SEMA6D: variants seen among roughly 807,000 people sequenced by gnomAD.
The protein encoded by SEMA6D is semaphorin 6D.
A neutral mutation model predicts 106.6 loss-of-function variants in SEMA6D; 35 were observed. The ratio of observed to expected loss-of-function variants is 0.33; its 90% CI spans 0.25 to 0.44. The LOEUF (loss-of-function observed/expected upper bound fraction) is 0.44. Ranked by LOEUF, SEMA6D falls within the 20% of genes least tolerant of loss-of-function variation. SEMA6D has a pLI of 1.00. For missense variants in SEMA6D, 1,185 were observed against 1,345.9 expected, an observed-to-expected ratio of 0.88 and a Z score of 1.87; for synonymous variants, 499 against 487.7, an observed-to-expected ratio of 1.02 and a Z score of -0.31.
intron 1 of SEMA6D, among the ~76,000 whole-genome samples, chr15:47,284,084 A>T (rs998386660): frequency 2.6e-5 from 4 of 152,190 alleles, no homozygotes; most frequent in African/African-American, 9.7e-5. Flanking sequence ...TGCCACCAAA[A>T]GTGTCTCCCT....
intron 1 of SEMA6D, among the ~76,000 whole-genome samples, chr15:47,291,986 A>G (rs895617017): frequency 3.9e-5 from 6 of 152,222 alleles, no homozygotes; most frequent in Non-Finnish European, 7.3e-5. Context: ...AATCTCATGT[A>G]TATGCACATA....
intron 4 of SEMA6D, among the ~76,000 whole-genome samples, chr15:47,657,273 G>A (rs563401593): frequency 5.9e-5 from 9 of 152,256 alleles, no homozygotes; most frequent in Admixed American, 2.0e-4. Context: ...AGAGAAAGCT[G>A]TTAAATATTT....
At chr15:47,298,371 T>A (rs1734796279) in intron 1 of SEMA6D, among the ~76,000 whole-genome samples, 1 of 151,888 alleles carries the variant, frequency 6.6e-6, no homozygotes, top group South Asian at 2.1e-4. Context: ...TACACACCTA[T>A]ATTCTAAACA....
At chr15:47,443,310 C>T (rs996246535) in intron 2 of SEMA6D, among the ~76,000 whole-genome samples, 5 of 152,212 alleles carry the variant, frequency 3.3e-5, no homozygotes, top group Admixed American at 3.3e-4. Context: ...ACTTTTGAGG[C>T]TAGGTTGTAA....
chr15:47,462,945 A>G (rs1253160420), intron 2 of SEMA6D, among the ~76,000 whole-genome samples: 1 of 152,118 alleles, frequency 6.6e-6, no homozygotes, highest in African/African-American at 2.4e-5. Flanking sequence ...GATGTCATTG[A>G]AAGAGGCACA....
chr15:47,588,959 G>T (rs539026780), intron 3 of SEMA6D, among the ~76,000 whole-genome samples: 11 of 152,168 alleles, frequency 7.2e-5, no homozygotes, highest in Non-Finnish European at 1.5e-4. Context: ...GCATCTAATG[G>T]GTAGAAGCTA....
intron 2 of SEMA6D, among the ~76,000 whole-genome samples, chr15:47,440,669 G>T (rs148100139): frequency 1.2e-3 from 189 of 152,098 alleles, no homozygotes; most frequent in African/African-American, 4.4e-3. Context: ...AAAAAGACGG[G>T]TGTTGAATGA....
chr15:47,497,043 T>A (rs1378731553), intron 3 of SEMA6D, among the ~76,000 whole-genome samples: 1 of 152,088 alleles, frequency 6.6e-6, no homozygotes, highest in Admixed American at 6.6e-5. Flanking sequence ...GAGACCTTTC[T>A]TCACTCTCTC....
At chr15:47,290,760 A>G (rs533737903) in intron 1 of SEMA6D, among the ~76,000 whole-genome samples, 9 of 152,202 alleles carry the variant, frequency 5.9e-5, no homozygotes, top group Non-Finnish European at 1.3e-4. Flanking sequence ...TCGTGAATGA[A>G]CACTTTGTTA....
At chr15:47,428,777 A>G (rs2041428943) in intron 2 of SEMA6D, among the ~76,000 whole-genome samples, 2 of 152,080 alleles carry the variant, frequency 1.3e-5, no homozygotes, top group African/African-American at 4.8e-5. Flanking sequence ...GAAAAAAAAA[A>G]GTGGGTAAGA....
chr15:47,534,699 T>C (rs2045097437), intron 3 of SEMA6D, among the ~76,000 whole-genome samples: 1 of 152,154 alleles, frequency 6.6e-6, no homozygotes, highest in African/African-American at 2.4e-5. Context: ...GATTTGAGAT[T>C]CTTGAAGAAG....
At chr15:47,216,068 A>G (rs2030565258) in intron 1 of SEMA6D, among the ~76,000 whole-genome samples, 1 of 152,188 alleles carries the variant, frequency 6.6e-6, no homozygotes, top group African/African-American at 2.4e-5. Flanking sequence ...CTGATATGTA[A>G]CTTACAACTT....
At position 47,749,384 on chromosome 15, in the gene SEMA6D, T is replaced by C. The variant is rs554899014; in HGVS notation, c.-54-10361T>C. 4.6e-5 allele frequency among the ~76,000 whole-genome samples: 7 copies of C among 152,268 alleles called. No individual in the cohort carries two copies. The East Asian group carries it at 1.4e-3, about 29-fold the overall frequency. ...ACGTGAGCCACTGCGCCCGGCCTAA[T>C]TACTGGACTCTTGTCAGGCGCAAGG... On this transcript the variant is annotated intron_variant, in intron 1 of 18. Transcript: ENST00000536845.
Position 47,766,164 on chromosome 15 carries a change from G to C in SEMA6D, c.1628G>C (p.Arg543Thr). Residue 543 changes from arginine to threonine, a missense_variant, in exon 15 of 19, where the codon AGA becomes ACA. This residue lies in a region of SEMA6D where 750 missense variants were observed against 783.5 expected (regional missense o/e 0.96). Coordinates refer to ENST00000536845, the MANE Select transcript of SEMA6D (RefSeq NM_001358351.3). ...CGWLSQGSCG[R>T]VTPGMLAEGY... ...TGGTTAAGCCAGGGATCCTGTGGTA[G>C]AGTGACCCCAGGGATGCTGTAAGTA... 1 of 1,613,316 alleles carries C rather than the reference G, an allele frequency of 6.2e-7. No individual in the cohort carries two copies. Among genetic ancestry groups the C allele is most frequent in the Non-Finnish European group, 8.5e-7 (1 of 1,179,506 alleles).
intron 4 of SEMA6D, among the ~76,000 whole-genome samples, chr15:47,659,270 G>A (rs1290606734): frequency 1.3e-5 from 2 of 151,726 alleles, no homozygotes; most frequent in Non-Finnish European, 1.5e-5. Flanking sequence ...CAATAAAATA[G>A]GATAGAGTCT....
intron 1 of SEMA6D, among the ~76,000 whole-genome samples, chr15:47,197,015 AC>A (rs1259135119): frequency 6.6e-6 from 1 of 152,154 alleles, no homozygotes; most frequent in Admixed American, 6.5e-5. Flanking sequence ...AAAAAAAATC[AC>A]ATATAAATTC....
At chr15:47,739,845 G>T (rs2080694396) in intron 1 of SEMA6D, among the ~76,000 whole-genome samples, 1 of 152,188 alleles carries the variant, frequency 6.6e-6, no homozygotes, top group South Asian at 2.1e-4. Context: ...GAAGCATAAT[G>T]ATGCTAATAA....
chr15:47,189,622 A>C (rs756830160), intron 1 of SEMA6D, among the ~76,000 whole-genome samples: 2 of 152,254 alleles, frequency 1.3e-5, no homozygotes, highest in Non-Finnish European at 2.9e-5. Flanking sequence ...CTACCTCTAG[A>C]TGTAAACCTG....
At chr15:47,401,928 A>C (rs2040414523) in intron 1 of SEMA6D, among the ~76,000 whole-genome samples, 1 of 152,184 alleles carries the variant, frequency 6.6e-6, no homozygotes, top group South Asian at 2.1e-4. Flanking sequence ...GCCCTTCAAA[A>C]ATAGTTAACT....
Sources: gnomAD v4.1 joint callset for allele counts (sites outside exome capture counted in the v4.1 genomes callset) on GRCh38, gnomAD v4.1.1 for gene constraint, gnomAD v4.1.1 regional missense constraint, MANE v1.5 for transcripts, NCBI Gene and HGNC (gene_info 2026-07-23, HGNC 2026-07-21) for gene names.